ERBB4: variants seen among roughly 807,000 people sequenced by gnomAD.
The protein encoded by ERBB4 is receptor tyrosine-protein kinase erbB-4.
ERBB4 carries 42 observed loss-of-function variants against 158.0 expected under a neutral mutation model. That is an observed-to-expected ratio of 0.27 (90% CI 0.21 to 0.34). ERBB4 has a LOEUF of 0.34. ERBB4 is among the 10% of genes least tolerant of loss of function. The pLI is 1.00. For missense variants in ERBB4, 1,333 were observed against 1,624.1 expected (o/e 0.82, Z 3.08); for synonymous variants, 583 against 558.7 (o/e 1.04, Z -0.61).
intron 2 of ERBB4, among the ~76,000 whole-genome samples, chr2:211,957,079 C>T (rs1281274700): frequency 2.0e-5 from 3 of 152,060 alleles, no homozygotes; most frequent in Non-Finnish European, 4.4e-5. Context: ...ATACTCCTGC[C>T]TTTGCCTCCC....
intron 1 of ERBB4, among the ~76,000 whole-genome samples, chr2:212,138,725 G>C (rs904030576): frequency 7.2e-5 from 11 of 152,104 alleles, no homozygotes; most frequent in African/African-American, 2.4e-4. Flanking sequence ...TATTTAACTA[G>C]GTCCTCATTC....
intron 1 of ERBB4, among the ~76,000 whole-genome samples, chr2:212,472,131 C>G (rs1376733072): frequency 6.6e-6 from 1 of 151,878 alleles, no homozygotes; most frequent in African/African-American, 2.4e-5. Flanking sequence ...TAATAGTGTT[C>G]ATGCTTCTCA....
At chr2:212,209,980 G>A (rs2105924050) in intron 1 of ERBB4, among the ~76,000 whole-genome samples, 1 of 152,122 alleles carries the variant, frequency 6.6e-6, no homozygotes, top group Non-Finnish European at 1.5e-5. Context: ...TGTGGATATG[G>A]AGATAGAATA....
rs532167764 is a variant in ERBB4 at position 211,662,884 on chromosome 2, G to A, written c.1871+2439C>T. On this transcript the variant is annotated intron_variant, in intron 15 of 27. Transcript: ENST00000342788. ...GACTATTTTCATTAATGTGGTTCTTGAATTATCTGACATCATATAGGCATA... is the reference window on the plus strand; with the variant it reads ...GACTATTTTCATTAATGTGGTTCTTAAATTATCTGACATCATATAGGCATA... Among the ~76,000 whole-genome samples, 17 of 152,278 alleles carry A rather than the reference G, an allele frequency of 1.1e-4. No homozygotes were observed. In the South Asian group the frequency reaches 3.5e-3, roughly 32 times the overall value.
At chr2:212,219,485 A>T (rs1034110025) in intron 1 of ERBB4, among the ~76,000 whole-genome samples, 1 of 151,326 alleles carries the variant, frequency 6.6e-6, no homozygotes, top group African/African-American at 2.4e-5. Flanking sequence ...AATTCCCTCC[A>T]CTTGTGATTG....
chr2:212,044,981 C>T (rs1225108934), intron 2 of ERBB4, among the ~76,000 whole-genome samples: 1 of 151,872 alleles, frequency 6.6e-6, no homozygotes, highest in African/African-American at 2.4e-5. Context: ...CTTCATTACC[C>T]GTCATATATT....
At chr2:212,328,662 G>A (rs749980933) in intron 1 of ERBB4, among the ~76,000 whole-genome samples, 2 of 151,978 alleles carry the variant, frequency 1.3e-5, no homozygotes, top group African/African-American at 2.4e-5. Context: ...TGTAGGCTAG[G>A]AGGAATTTGT....
chr2:212,441,385 G>A (rs1403240285), intron 1 of ERBB4, among the ~76,000 whole-genome samples: 1 of 152,168 alleles, frequency 6.6e-6, no homozygotes, highest in Non-Finnish European at 1.5e-5. Context: ...TGCCAGGCAT[G>A]ATAATGTTGA....
At chr2:212,077,234 A>G (rs1241394705) in intron 2 of ERBB4, among the ~76,000 whole-genome samples, 2 of 151,962 alleles carry the variant, frequency 1.3e-5, no homozygotes, top group Non-Finnish European at 2.9e-5. Context: ...ATTATCTACT[A>G]AAGTTTAACT....
At chr2:212,071,959 C>T (rs1287979992) in intron 2 of ERBB4, among the ~76,000 whole-genome samples, 1 of 151,892 alleles carries the variant, frequency 6.6e-6, no homozygotes, top group Admixed American at 6.6e-5. Context: ...CTCAACACAT[C>T]ATGAGGTATG....
At chr2:211,616,057 T>C (rs773607194) in intron 19 of ERBB4, among the ~76,000 whole-genome samples, 32 of 152,094 alleles carry the variant, frequency 2.1e-4, no homozygotes, top group Non-Finnish European at 3.5e-4. Flanking sequence ...CACTCTACCA[T>C]AGTGTTATAC....
At chr2:211,796,311 T>C (rs968967311) in intron 3 of ERBB4, among the ~76,000 whole-genome samples, 4 of 151,972 alleles carry the variant, frequency 2.6e-5, no homozygotes, top group African/African-American at 7.2e-5. Context: ...AATTCATCTA[T>C]ATTGTTTATT....
At chr2:211,695,472 T>A (rs931950365) in intron 12 of ERBB4, among the ~76,000 whole-genome samples, 1 of 152,182 alleles carries the variant, frequency 6.6e-6, no homozygotes, top group African/African-American at 2.4e-5. Flanking sequence ...TTGGAATTTT[T>A]AAAAATACTA....
chr2:211,573,532 T>C (rs2067799595), intron 19 of ERBB4, among the ~76,000 whole-genome samples: 7 of 151,956 alleles, frequency 4.6e-5, no homozygotes, highest in Admixed American at 4.6e-4. Flanking sequence ...TAGCCGGGCA[T>C]GGTGGCAGGA....
At chr2:212,378,860 T>C (rs1299047403) in intron 1 of ERBB4, among the ~76,000 whole-genome samples, 1 of 151,866 alleles carries the variant, frequency 6.6e-6, no homozygotes, top group Non-Finnish European at 1.5e-5. Flanking sequence ...TTATGCTAAA[T>C]TTCTGATACT....
chr2:211,972,558 T>C (rs570947884), intron 2 of ERBB4, among the ~76,000 whole-genome samples: 3 of 151,962 alleles, frequency 2.0e-5, no homozygotes, highest in South Asian at 2.1e-4. Flanking sequence ...AGCAGACACA[T>C]AGACAAATAG....
intron 20 of ERBB4, among the ~76,000 whole-genome samples, chr2:211,475,622 C>A (rs1458121015): frequency 6.6e-6 from 1 of 152,006 alleles, no homozygotes; most frequent in Non-Finnish European, 1.5e-5. Context: ...TGTCAGTATA[C>A]AATGCTACAG....
intron 3 of ERBB4, among the ~76,000 whole-genome samples, chr2:211,791,073 T>C (rs1379817562): frequency 2.0e-5 from 3 of 151,916 alleles, no homozygotes; most frequent in Non-Finnish European, 4.4e-5. Context: ...CTCAGGTATG[T>C]TTATTACTGT....
chr2:211,513,357 C>CAAAAAAAA (rs61042785), intron 20 of ERBB4, among the ~76,000 whole-genome samples: 7 of 39,194 alleles, frequency 1.8e-4, no homozygotes, highest in African/African-American at 4.0e-4. Context: ...GACTCCGTCT[C>CAAAAAAAA]AAAAAAAAAA....
Sources: allele counts gnomAD v4.1 joint callset (sites outside exome capture counted in the v4.1 genomes callset), GRCh38; gene constraint gnomAD v4.1.1; transcripts MANE v1.5; gene names NCBI Gene and HGNC (gene_info 2026-07-23, HGNC 2026-07-21).